The following KIAA1217 variants were observed in gnomAD, a reference collection of about 807,000 sequenced individuals.
KIAA1217 encodes the protein KIAA1217.
KIAA1217 carries 88 observed loss-of-function variants against 163.9 expected under a neutral mutation model. The observed-to-expected ratio is 0.54, with a 90% CI of 0.45 to 0.64. The LOEUF is 0.64. Ranked by LOEUF, KIAA1217 falls within the 30% of genes least tolerant of loss-of-function variation. KIAA1217 has a pLI of 0.00. For synonymous variants in KIAA1217, 903 were observed against 923.1 expected (o/e 0.98, Z 0.39); for missense variants, 2,372 against 2,475.0 (o/e 0.96, Z 0.88).
chr10:23,746,431 T>C (rs1839422613), intron 1 of KIAA1217, among the ~76,000 whole-genome samples: 1 of 152,078 alleles, frequency 6.6e-6, no homozygotes. Flanking sequence ...TTTATTTTAT[T>C]TTATTTTTTC....
At chr10:24,149,939 A>G (rs1202796263) in intron 2 of KIAA1217, among the ~76,000 whole-genome samples, 1 of 152,222 alleles carries the variant, frequency 6.6e-6, no homozygotes, top group Non-Finnish European at 1.5e-5. Context: ...CAATAAAATG[A>G]TGTAAAATTG....
chr10:24,545,741 C>G (rs1592860168), intron 20 of KIAA1217, 86 bp from the exon 21 acceptor site: 5 of 1,521,096 alleles, frequency 3.3e-6, no homozygotes. Context: ...TTGAATTATT[C>G]TCAGAAGGGC....
At chr10:23,851,732 G>A (rs1323201829) in intron 1 of KIAA1217, among the ~76,000 whole-genome samples, 1 of 152,158 alleles carries the variant, frequency 6.6e-6, no homozygotes, top group African/African-American at 2.4e-5. Context: ...GTATCTCATT[G>A]TGGTTTTGAT....
At chr10:24,405,367 T>C (rs892374155) in intron 3 of KIAA1217, among the ~76,000 whole-genome samples, 8 of 152,156 alleles carry the variant, frequency 5.3e-5, no homozygotes, top group African/African-American at 1.9e-4. Flanking sequence ...AACTGAAATG[T>C]GAGAAGTAAT....
At chr10:24,145,300 T>G (rs2064256845) in intron 2 of KIAA1217, among the ~76,000 whole-genome samples, 1 of 152,222 alleles carries the variant, frequency 6.6e-6, no homozygotes, top group Non-Finnish European at 1.5e-5. Context: ...TTATTGTCTG[T>G]TTCACTCTGA....
intron 3 of KIAA1217, among the ~76,000 whole-genome samples, chr10:24,404,786 C>T (rs1350461877): frequency 6.6e-6 from 1 of 152,066 alleles, no homozygotes; most frequent in Admixed American, 6.5e-5. Flanking sequence ...TACATGCATA[C>T]CATGGAATAC....
chr10:23,962,759 C>T (rs1405134914), intron 1 of KIAA1217, among the ~76,000 whole-genome samples: 1 of 152,180 alleles, frequency 6.6e-6, no homozygotes, highest in East Asian at 1.9e-4. Context: ...GATTCTACTA[C>T]TTGAGGTCTG....
intron 1 of KIAA1217, among the ~76,000 whole-genome samples, chr10:23,936,935 G>C (rs944434251): frequency 5.9e-5 from 9 of 152,082 alleles, no homozygotes; most frequent in African/African-American, 2.2e-4. Context: ...CTGGAGTGCA[G>C]TGGTGTCATC....
chr10:24,105,774 G>C (rs779376575), intron 2 of KIAA1217, among the ~76,000 whole-genome samples: 1 of 152,220 alleles, frequency 6.6e-6, no homozygotes, highest in African/African-American at 2.4e-5. Flanking sequence ...GAAAAGACCA[G>C]GTTACTGCCT....
In KIAA1217 at chr10:24,061,744, C is replaced by T. The variant is rs1453905118; in HGVS notation, c.-171+54370C>T. Among the ~76,000 whole-genome samples the T allele has an allele frequency of 4.6e-5, 7 of 152,164 alleles. No individual in the cohort carries two copies. The East Asian group carries it at 1.2e-3, about 25-fold the overall frequency. On this transcript the variant is annotated intron_variant, in intron 2 of 18. Transcript: ENST00000376462. The stretch of plus-strand genomic sequence containing the variant: ...GAATTGCAAGTATTCTGCTGAAAAA[C>T]CCATTGAAAATCTTCTCAAAGCTCC...
rs934717607 is a variant in KIAA1217 at position 23,927,748 on chromosome 10, G to A, written c.-320-79477G>A. Among the ~76,000 whole-genome samples, 4 of 152,124 alleles carry A rather than the reference G, an allele frequency of 2.6e-5. No individual in the cohort carries two copies. The South Asian group carries it at 8.3e-4, about 32-fold the overall frequency. On this transcript the variant is annotated intron_variant, in intron 1 of 18. Transcript: ENST00000376462. ...ATGTCACCTGGTTTCCGTGTTGGGG[G>A]TTCTGCAGCAGATTCCCATATAAAC...
intron 2 of KIAA1217, among the ~76,000 whole-genome samples, chr10:24,087,479 G>A (rs1480938121): frequency 6.6e-6 from 1 of 152,150 alleles, no homozygotes; most frequent in African/African-American, 2.4e-5. Flanking sequence ...CCAAATACAT[G>A]AGGTTTTATT....
At chr10:24,275,703 G>A (rs770310311) in intron 2 of KIAA1217, 1 of 523,810 alleles carries the variant, frequency 1.9e-6, no homozygotes, top group Non-Finnish European at 3.9e-6. Context: ...CTGTTGGTTT[G>A]GTGCAAAAGT....
chr10:24,404,380 A>G (rs1013181530), intron 3 of KIAA1217, among the ~76,000 whole-genome samples: 15 of 152,002 alleles, frequency 9.9e-5, no homozygotes, highest in African/African-American at 3.1e-4. Context: ...CCTCCTGGCC[A>G]ACATGGTGAA....
chr10:24,224,856 T>C (rs1399373362), intron 2 of KIAA1217, among the ~76,000 whole-genome samples: 3 of 143,680 alleles, frequency 2.1e-5, no homozygotes, highest in East Asian at 4.2e-4. Flanking sequence ...AGATGGAGTC[T>C]CACTCTGTCA....
At chr10:24,348,467 T>G (rs1266628554) in intron 2 of KIAA1217, among the ~76,000 whole-genome samples, 2 of 152,220 alleles carry the variant, frequency 1.3e-5, no homozygotes, top group African/African-American at 4.8e-5. Context: ...AAAATATCAT[T>G]GCAGATAAAT....
chr10:24,015,936 G>A (rs528320961), intron 2 of KIAA1217, among the ~76,000 whole-genome samples: 1 of 151,712 alleles, frequency 6.6e-6, no homozygotes, highest in South Asian at 2.1e-4. Flanking sequence ...ATGCTTTCTT[G>A]ATTCTTCAAA....
intron 5 of KIAA1217, among the ~76,000 whole-genome samples, chr10:24,445,147 G>A (rs1042873026): frequency 2.0e-5 from 3 of 152,100 alleles, no homozygotes; most frequent in African/African-American, 7.2e-5. Context: ...GGCAAAGTGG[G>A]TATACTGACT....
At chr10:24,370,140 C>T (rs1192676073) in intron 2 of KIAA1217, among the ~76,000 whole-genome samples, 2 of 151,950 alleles carry the variant, frequency 1.3e-5, no homozygotes, top group Non-Finnish European at 2.9e-5. Context: ...TGGCGGGCGC[C>T]TGTAGTCCCA....
Sources: gnomAD v4.1 joint callset for allele counts (sites outside exome capture counted in the v4.1 genomes callset) on GRCh38, gnomAD v4.1.1 for gene constraint, MANE v1.5 for transcripts, NCBI Gene and HGNC (gene_info 2026-07-23, HGNC 2026-07-21) for gene names.